The following LAMA5 variants were observed in gnomAD, a reference collection of about 807,000 sequenced individuals.
LAMA5 encodes the protein laminin subunit alpha-5.
In LAMA5, 260 loss-of-function variants were observed where a neutral mutation model predicts 433.4. The observed-to-expected ratio is 0.60, with a 90% CI of 0.54 to 0.66. The LOEUF (loss-of-function observed/expected upper bound fraction) is 0.66, where lower values mean the gene tolerates loss of function less well. Ranked by LOEUF, LAMA5 falls within the 30% of genes least tolerant of loss-of-function variation. The pLI is 0.00. For synonymous variants in LAMA5, 2,620 were observed against 2,226.6 expected (o/e 1.18, Z -4.97); for missense variants, 5,378 against 5,258.5 (o/e 1.02, Z -0.70).
intron 48 of LAMA5, among the ~76,000 whole-genome samples, chr20:62,321,426 GT>G: frequency 5.2e-5 from 1 of 19,322 alleles, no homozygotes; most frequent in Admixed American, 4.7e-4. Flanking sequence ...GGTAGGGTCA[GT>G]GGAGGGGTAG....
intron 11 of LAMA5, among the ~76,000 whole-genome samples, chr20:62,342,701 A>G (rs1162480264): frequency 3.9e-5 from 6 of 152,166 alleles, no homozygotes; most frequent in Non-Finnish European, 7.4e-5. Flanking sequence ...AAAAACAAAA[A>G]AAAAAGAAAA....
intron 11 of LAMA5, among the ~76,000 whole-genome samples, chr20:62,343,605 G>A (rs1165989325): frequency 2.0e-5 from 3 of 151,622 alleles, no homozygotes; most frequent in East Asian, 1.9e-4. Context: ...GAGAAACCCC[G>A]TCTCCACTAA....
rs1454824894 is a variant in LAMA5 at position 62,313,394 on chromosome 20, C to A, written c.8725G>T (p.Val2909Leu). The change falls in exon 64 of 80, where the codon GTG becomes TTG. Residue 2909 changes from valine (V) to leucine (L), a missense_variant. By Grantham distance (32) the Val-to-Leu change is conservative. Coordinates refer to ENST00000252999, the MANE Select transcript of LAMA5 (RefSeq NM_005560.6). Reference protein sequence around the residue: ...CIEMDTLNEEVVSLYNFERTF... With the variant: ...CIEMDTLNEELVSLYNFERTF... Reference sequence around the variant, plus strand: ...CTCTCGAAGTTGTAGAGGCTGACCACCTCCTCATTCAGCGTGTCCATCTCG... The same window carrying A: ...CTCTCGAAGTTGTAGAGGCTGACCAACTCCTCATTCAGCGTGTCCATCTCG... The A allele has an allele frequency of 1.2e-6, 2 of 1,606,926 alleles. No individual in the cohort carries two copies. Among genetic ancestry groups the A allele is most frequent in the Admixed American group, 3.4e-5 (2 of 59,322 alleles).
At chr20:62,316,646 G>GC (rs771566668) in intron 57 of LAMA5, 25 bp downstream of exon 57, 2 of 1,512,044 alleles carry the variant, frequency 1.3e-6, no homozygotes, top group South Asian at 2.5e-5. Flanking sequence ...AGGCCTAAGG[G>GC]CCCCCATCGG....
Position 62,345,995 on chromosome 20 carries a change from T to A in LAMA5, c.1417+86A>T, listed in dbSNP as rs574048637. 38 of 1,589,930 alleles carry A rather than the reference T, an allele frequency of 2.4e-5. No individual in the cohort carries two copies. The East Asian group carries it at 8.3e-4, about 35-fold the overall frequency. On this transcript the variant is annotated intron_variant, in intron 10 of 79. Coordinates refer to ENST00000252999, the MANE Select transcript of LAMA5 (RefSeq NM_005560.6). ...GATGCAGGCAGGATAACATGGTCCA[T>A]CCCGGGGAACCCCTCCACCCCCTGC...
chr20:62,338,430 G>C, intron 12 of LAMA5, 38 bp downstream of exon 12: 1 of 1,607,768 alleles, frequency 6.2e-7, no homozygotes, highest in Admixed American at 1.7e-5. Flanking sequence ...TGTCCACCTC[G>C]AGCGCAGGTA....
intron 2 of LAMA5, among the ~76,000 whole-genome samples, chr20:62,360,737 T>C: frequency 6.7e-6 from 1 of 150,156 alleles, no homozygotes; most frequent in Non-Finnish European, 1.5e-5. Flanking sequence ...CATTTTACAG[T>C]TGGTGAAACT....
intron 26 of LAMA5, 44 bp downstream of exon 26, chr20:62,333,046 G>A (rs767230093): frequency 2.1e-6 from 3 of 1,434,914 alleles, no homozygotes; most frequent in African/African-American, 2.9e-5. Context: ...CCCAGGCCAA[G>A]GTCCTGCAAC....
At chr20:62,339,272 CTG>C (rs1982208503) in intron 11 of LAMA5, among the ~76,000 whole-genome samples, 2 of 101,970 alleles carry the variant, frequency 2.0e-5, no homozygotes, top group Non-Finnish European at 3.5e-5. Context: ...GAGTCTTGAT[CTG>C]TCGCCCAGGC....
At position 62,318,886 on chromosome 20, in the gene LAMA5, G is replaced by A. The variant is rs765685580; in HGVS notation, c.6999C>T (p.Ala2333=). The A allele has an allele frequency of 1.6e-5, 25 of 1,608,352 alleles. No individual in the cohort carries two copies. Among genetic ancestry groups the A allele is most frequent in the Non-Finnish European group, 7.6e-6 (9 of 1,178,960 alleles). Residue 2333 remains alanine (A), a synonymous_variant, in exon 52 of 80, where the codon GCC becomes GCT. Coordinates refer to ENST00000252999, the MANE Select transcript of LAMA5 (RefSeq NM_005560.6). The part of the protein sequence containing the change: ...LWEMRARDLG[A]PQAAAEAELA... Reference sequence around the variant, plus strand: ...ACTCAGCCTCAGCTGCTGCCTGCGGGGCCCCCAGGTCCCGGGCCCGCATCT... The same window carrying A: ...ACTCAGCCTCAGCTGCTGCCTGCGGAGCCCCCAGGTCCCGGGCCCGCATCT...
intron 26 of LAMA5, among the ~76,000 whole-genome samples, 155 bp from the exon 27 acceptor site, chr20:62,332,872 T>C (rs1325627378): frequency 6.9e-6 from 1 of 144,090 alleles, no homozygotes; most frequent in Non-Finnish European, 1.6e-5. Context: ...GGGGCTGAGC[T>C]GTATGTGGAG....
intron 18 of LAMA5, among the ~76,000 whole-genome samples, chr20:62,336,007 C>A (rs1481658833): frequency 6.9e-6 from 1 of 144,196 alleles, no homozygotes; most frequent in African/African-American, 2.6e-5. Context: ...GGCACACTCA[C>A]AGGTGCAGCC....
At chr20:62,341,826 C>CAAAAAAAAAAAAAAAAAAAAAAAAAAAAA (rs11466846) in intron 11 of LAMA5, among the ~76,000 whole-genome samples, 4 of 128,152 alleles carry the variant, frequency 3.1e-5, no homozygotes, top group African/African-American at 1.5e-4. Flanking sequence ...TCTGATCAAC[C>CAAAAAAAAAAAAAAAAAAAAAAAAAAAAA]AAAAAAAAAA....
rs1568934309 is a variant in LAMA5, at chr20:62,329,387, AG to A, written c.4120-135del. The A allele has an allele frequency of 8.0e-6, 4 of 497,260 alleles. No individual in the cohort carries two copies. In the East Asian group the frequency reaches 1.4e-4, roughly 18 times the overall value. 30.8% of individuals were successfully genotyped at this position (497,260 alleles called of 1,614,324 possible). On this transcript the variant is annotated intron_variant, in intron 32 of 79. Coordinates refer to ENST00000252999, the MANE Select transcript of LAMA5 (RefSeq NM_005560.6). ...GCAGCAGCCCAGCCCAGCCCAGCCCAGCCCTGGGCCCTGGCTGCTCAGGGGA... is the reference window on the plus strand; with the variant it reads ...GCAGCAGCCCAGCCCAGCCCAGCCCACCCTGGGCCCTGGCTGCTCAGGGGA...
chr20:62,354,939 C>G (rs749863), intron 2 of LAMA5, among the ~76,000 whole-genome samples: 10,644 of 152,296 alleles, frequency 0.07, 416 homozygotes, highest in South Asian at 0.17. Context: ...ACCTCTCCCC[C>G]GCCTGTGCGA....
chr20:62,340,555 C>A (rs1284412522), intron 11 of LAMA5, among the ~76,000 whole-genome samples: 1 of 151,626 alleles, frequency 6.6e-6, no homozygotes, highest in African/African-American at 2.4e-5. Context: ...AGGTGACCTG[C>A]CCACCTCAGC....
Position 62,325,303 on chromosome 20 carries a change from G to A in LAMA5, c.5529+13C>T. 1 of 1,556,712 alleles carries A rather than the reference G, an allele frequency of 6.4e-7. No individual in the cohort carries two copies. Among genetic ancestry groups the A allele is most frequent in the South Asian group, 1.2e-5 (1 of 83,488 alleles). On this transcript the variant is annotated intron_variant, in intron 41 of 79. Coordinates refer to ENST00000252999, the MANE Select transcript of LAMA5 (RefSeq NM_005560.6). ...GTGAGCCGCCTCGCAGTCTGGTGCT[G>A]TCCTAACCTCACCTGGCATGAGTCC... is the stretch of plus-strand genomic sequence containing the variant.
rs765810360 is a variant in LAMA5 at position 62,330,845 on chromosome 20, G to A, written c.3750C>T (p.His1250=). ...IPLPPGLPLT[H]AQDLTPAMSP... ...ACATGGCTGGAGTGAGATCCTGCGCGTGGGTCAGCGGGAGGCCGGGCGGCA... is the reference window on the plus strand; with the variant it reads ...ACATGGCTGGAGTGAGATCCTGCGCATGGGTCAGCGGGAGGCCGGGCGGCA... Residue 1250 remains histidine (H), a synonymous_variant, in exon 30 of 80, where the codon CAC becomes CAT. Transcript: ENST00000252999. 23 of 1,542,032 alleles carry A rather than the reference G, an allele frequency of 1.5e-5. No individual in the cohort carries two copies. The highest frequency in any genetic ancestry group is 7.3e-5 in the East Asian group (3 of 40,886).
chr20:62,364,352 CAGACACACG>C (rs1986486780), intron 1 of LAMA5, among the ~76,000 whole-genome samples: 1 of 152,188 alleles, frequency 6.6e-6, no homozygotes, highest in Non-Finnish European at 1.5e-5. Context: ...AAGACCCTCC[CAGACACACG>C]AGCAGCAGAG....
Sources: allele counts gnomAD v4.1 joint callset (sites outside exome capture counted in the v4.1 genomes callset), GRCh38; gene constraint gnomAD v4.1.1; transcripts MANE v1.5; gene names NCBI Gene and HGNC (gene_info 2026-07-23, HGNC 2026-07-21).